PEX5L: variants seen among roughly 807,000 people sequenced by gnomAD.
PEX5L encodes peroxisomal biogenesis factor 5 like.
Under a neutral mutation model 84.0 loss-of-function variants are expected in PEX5L, and 30 were observed. The ratio of observed to expected loss-of-function variants is 0.36; its 90% CI spans 0.27 to 0.48. PEX5L has a LOEUF of 0.48. PEX5L is among the 20% of genes least tolerant of loss of function. The pLI is 0.99. For missense variants in PEX5L, 533 were observed against 754.6 expected (o/e 0.71, Z 3.44); for synonymous variants, 270 against 283.1 (o/e 0.95, Z 0.46).
In PEX5L at chr3:179,955,909, T is replaced by C. The variant is rs150143450; in HGVS notation, c.93+15685A>G. ...GTACTACCGATGTAAAAGTAATCAT[T>C]ATGGATGTGTTCATTTTTCTACAGG... On this transcript the variant is annotated intron_variant, in intron 2 of 14. Coordinates refer to ENST00000467460, the MANE Select transcript of PEX5L (RefSeq NM_016559.3). 3.3e-4 allele frequency among the ~76,000 whole-genome samples: 51 copies of C among 152,270 alleles called. 1 individual carries two copies. In the East Asian group the frequency reaches 9.6e-3, roughly 29 times the overall value.
intron 1 of PEX5L, among the ~76,000 whole-genome samples, chr3:179,986,566 C>T (rs968384323): frequency 6.6e-6 from 1 of 152,080 alleles, no homozygotes; most frequent in Admixed American, 6.6e-5. Context: ...CCACGCCCGG[C>T]TAATTTTTTG....
intron 14 of PEX5L, among the ~76,000 whole-genome samples, chr3:179,803,648 A>G (rs993898273): frequency 6.6e-6 from 1 of 152,174 alleles, no homozygotes; most frequent in African/African-American, 2.4e-5. Context: ...ATTTGCATCC[A>G]CTTTACTGTT....
Position 179,888,131 on chromosome 3 carries a change from C to T in PEX5L, c.199-347G>A, listed in dbSNP as rs529333805. The T allele has an allele frequency of 3.1e-6, 4 of 1,290,958 alleles. No homozygotes were observed. In the African/African-American group the frequency reaches 6.1e-5, roughly 20 times the overall value. The allele number at this position is 1,290,958 out of a possible 1,614,324, so 80.0% of individuals were successfully genotyped here. On this transcript the variant is annotated intron_variant, in intron 3 of 14. Transcript: ENST00000467460. ...ATCCCACTCCTCACCTGGACAAAAG[C>T]TCCTACTGAGACCTGGACCAGTGGC...
intron 7 of PEX5L, among the ~76,000 whole-genome samples, chr3:179,871,027 C>T (rs1750124238): frequency 6.6e-6 from 1 of 151,672 alleles, no homozygotes; most frequent in Non-Finnish European, 1.5e-5. Context: ...GGGTCACTGC[C>T]TCATATAATT....
intron 2 of PEX5L, among the ~76,000 whole-genome samples, chr3:179,956,392 T>C (rs1354296870): frequency 6.6e-6 from 1 of 152,224 alleles, no homozygotes; most frequent in Non-Finnish European, 1.5e-5. Flanking sequence ...TTTCTTTTCA[T>C]CACTGCCTTT....
chr3:180,030,698 C>T (rs1243646871), intron 1 of PEX5L, among the ~76,000 whole-genome samples: 2 of 152,186 alleles, frequency 1.3e-5, no homozygotes, highest in African/African-American at 4.8e-5. Context: ...CACAACAACA[C>T]CGTTCTTCTC....
rs192262974 is a variant in PEX5L at position 179,860,844 on chromosome 3, G to C, written c.727-1687C>G. The stretch of plus-strand genomic sequence containing the variant: ...TCGCTTGCCCAAAGTTATACAGCTA[G>C]TAAGTGGCAGGGCTGGTACTTCAAG... On this transcript the variant is annotated intron_variant, in intron 7 of 14. Transcript: ENST00000467460. Among the ~76,000 whole-genome samples the C allele has an allele frequency of 4.0e-3, 615 of 152,326 alleles. 1 individual carries two copies. Among genetic ancestry groups the C allele is most frequent in the Non-Finnish European group, 5.6e-3 (380 of 68,030 alleles).
At chr3:179,908,645 T>A (rs1023749959) in intron 2 of PEX5L, among the ~76,000 whole-genome samples, 2 of 124,574 alleles carry the variant, frequency 1.6e-5, no homozygotes, top group Non-Finnish European at 3.2e-5. Context: ...CAAGCCCCAG[T>A]GTGTGATATT....
At chr3:179,997,317 C>A (rs1192979049) in intron 1 of PEX5L, among the ~76,000 whole-genome samples, 1 of 152,132 alleles carries the variant, frequency 6.6e-6, no homozygotes. Flanking sequence ...TTATGGAGGT[C>A]AGGTAATTAA....
chr3:179,956,677 T>C (rs1780640199), intron 2 of PEX5L, among the ~76,000 whole-genome samples: 1 of 152,222 alleles, frequency 6.6e-6, no homozygotes, highest in Non-Finnish European at 1.5e-5. Context: ...TGTTTGTGGT[T>C]TGGCTGTGGT....
intron 2 of PEX5L, among the ~76,000 whole-genome samples, chr3:179,910,622 G>A (rs10049363): frequency 0.03 from 4,511 of 152,228 alleles, 255 homozygotes; most frequent in African/African-American, 0.1. Context: ...AGCATATTCT[G>A]GGGTAGGGCT....
chr3:179,908,874 G>A (rs907083420), intron 2 of PEX5L, among the ~76,000 whole-genome samples: 2 of 152,100 alleles, frequency 1.3e-5, no homozygotes, highest in African/African-American at 2.4e-5. Flanking sequence ...ATCATTGTTG[G>A]ACATTTGGGT....
At chr3:179,887,882 T>C (rs1756400734) in intron 3 of PEX5L, 98 bp from the exon 4 acceptor site, 1 of 804,902 alleles carries the variant, frequency 1.2e-6, no homozygotes. Context: ...ATAGCAAGCC[T>C]ACCAAAAATA....
At chr3:179,862,150 T>C (rs1184638846) in intron 7 of PEX5L, among the ~76,000 whole-genome samples, 4 of 152,212 alleles carry the variant, frequency 2.6e-5, no homozygotes, top group Non-Finnish European at 5.9e-5. Flanking sequence ...GGCTTATGAC[T>C]GCGTCACTCC....
At chr3:179,845,524 A>G (rs545051011) in intron 8 of PEX5L, among the ~76,000 whole-genome samples, 2 of 152,352 alleles carry the variant, frequency 1.3e-5, no homozygotes, top group East Asian at 3.9e-4. Flanking sequence ...TTTAATATAC[A>G]TTAAAACAGA....
At chr3:179,990,623 G>T (rs1235511322) in intron 1 of PEX5L, among the ~76,000 whole-genome samples, 1 of 152,066 alleles carries the variant, frequency 6.6e-6, no homozygotes. Context: ...GGCTGGTCTT[G>T]AACTCCTGGC....
At chr3:179,817,997 T>C (rs1726815567) in intron 9 of PEX5L, among the ~76,000 whole-genome samples, 1 of 152,234 alleles carries the variant, frequency 6.6e-6, no homozygotes, top group Non-Finnish European at 1.5e-5. Flanking sequence ...ATGGTTGTTC[T>C]AATTTTATGA....
intron 1 of PEX5L, chr3:179,974,048 C>A (rs2110287623): frequency 1.0e-6 from 1 of 985,500 alleles, no homozygotes; most frequent in Non-Finnish European, 1.2e-6. Flanking sequence ...AATCCTCTTT[C>A]AAGCACTCAG....
At chr3:179,973,938 A>G (rs538198786) in intron 1 of PEX5L, 295 of 985,354 alleles carry the variant, frequency 3.0e-4, no homozygotes, top group Non-Finnish European at 3.5e-4. Context: ...TCTAGAATTA[A>G]GCAATATTTT....
Sources: allele counts gnomAD v4.1 joint callset (sites outside exome capture counted in the v4.1 genomes callset), GRCh38; gene constraint gnomAD v4.1.1; transcripts MANE v1.5; gene names NCBI Gene and HGNC (gene_info 2026-07-23, HGNC 2026-07-21).